The following DPY19L2 variants were observed in gnomAD, a reference collection of about 807,000 sequenced individuals.
The protein encoded by DPY19L2 is probable C-mannosyltransferase DPY19L2.
In DPY19L2, 34 loss-of-function variants were observed where a neutral mutation model predicts 97.9. That is an observed-to-expected ratio of 0.35 (90% CI 0.26 to 0.46). DPY19L2 has a LOEUF of 0.46. Ranked by LOEUF, DPY19L2 falls within the 20% of genes least tolerant of loss-of-function variation. The pLI is 1.00. For missense variants in DPY19L2, 623 were observed against 911.4 expected (o/e 0.68, Z 4.07); for synonymous variants, 230 against 307.9 (o/e 0.75, Z 2.65).
intron 6 of DPY19L2, among the ~76,000 whole-genome samples, chr12:63,637,773 A>G (rs376335949): frequency 2.4e-3 from 360 of 152,318 alleles, no homozygotes; most frequent in Non-Finnish European, 3.5e-3. Flanking sequence ...CAATCCTACC[A>G]GAGGTACAAA....
At chr12:63,580,911 T>C in intron 18 of DPY19L2, 75 bp from the exon 19 acceptor site, 4 of 1,475,712 alleles carry the variant, frequency 2.7e-6, no homozygotes, top group Non-Finnish European at 3.7e-6. Context: ...ATTCTCACCT[T>C]GTTACTCAAA....
chr12:63,596,482 A>G (rs1884270653), intron 14 of DPY19L2, among the ~76,000 whole-genome samples: 1 of 152,190 alleles, frequency 6.6e-6, no homozygotes, highest in Non-Finnish European at 1.5e-5. Context: ...CAGAAATAAC[A>G]TTGGCTAACT....
At chr12:63,576,555 C>A (rs530070052) in intron 19 of DPY19L2, among the ~76,000 whole-genome samples, 25 of 148,422 alleles carry the variant, frequency 1.7e-4, no homozygotes, top group African/African-American at 5.1e-4. Context: ...CTAAAGTCTC[C>A]ACCAAAAAAA....
At chr12:63,603,891 A>G (rs554011174) in intron 12 of DPY19L2, among the ~76,000 whole-genome samples, 1 of 152,322 alleles carries the variant, frequency 6.6e-6, no homozygotes, top group African/African-American at 2.4e-5. Flanking sequence ...CTATATTACA[A>G]GGCTGCAATA....
At chr12:63,564,132 A>G (rs778312328) in intron 21 of DPY19L2, among the ~76,000 whole-genome samples, 1 of 152,048 alleles carries the variant, frequency 6.6e-6, no homozygotes, top group Admixed American at 6.6e-5. Flanking sequence ...TCTGTCTTCA[A>G]TCTTTTAGTT....
chr12:63,651,338 C>T (rs1269950675), intron 4 of DPY19L2, among the ~76,000 whole-genome samples: 1 of 151,944 alleles, frequency 6.6e-6, no homozygotes, highest in African/African-American at 2.4e-5. Context: ...GGACATAGAC[C>T]CTGGCAAAAA....
chr12:63,644,731 C>T (rs569860860), intron 5 of DPY19L2, among the ~76,000 whole-genome samples: 8 of 151,890 alleles, frequency 5.3e-5, no homozygotes, highest in South Asian at 2.1e-4. Context: ...TACACATACA[C>T]GTATGTAAGC....
At chr12:63,643,226 G>A (rs1892947665) in intron 6 of DPY19L2, among the ~76,000 whole-genome samples, 1 of 151,372 alleles carries the variant, frequency 6.6e-6, no homozygotes, top group Non-Finnish European at 1.5e-5. Context: ...TTTTTTTCAA[G>A]TTTTCCAATC....
At chr12:63,630,360 G>A (rs1382350490) in intron 6 of DPY19L2, among the ~76,000 whole-genome samples, 1 of 151,870 alleles carries the variant, frequency 6.6e-6, no homozygotes, top group Admixed American at 6.6e-5. Context: ...CAAAATAAAG[G>A]GACAGAGGAA....
At chr12:63,602,481 G>A (rs904271344) in intron 12 of DPY19L2, among the ~76,000 whole-genome samples, 1 of 152,094 alleles carries the variant, frequency 6.6e-6, no homozygotes, top group African/African-American at 2.4e-5. Context: ...ATCAAAACTA[G>A]TGTTTAAATT....
At chr12:63,572,647 C>T (rs1879095951) in intron 19 of DPY19L2, among the ~76,000 whole-genome samples, 1 of 152,116 alleles carries the variant, frequency 6.6e-6, no homozygotes, top group South Asian at 2.1e-4. Context: ...AGCTTCAGGT[C>T]TGACCCAACA....
intron 8 of DPY19L2, among the ~76,000 whole-genome samples, chr12:63,622,106 A>G (rs1888789085): frequency 1.3e-5 from 2 of 152,178 alleles, no homozygotes; most frequent in Non-Finnish European, 2.9e-5. Context: ...ATCATAAAAT[A>G]CTCATTATGT....
At chr12:63,561,518 T>C (rs61935034) in intron 21 of DPY19L2, among the ~76,000 whole-genome samples, 14,004 of 152,068 alleles carry the variant, frequency 0.092, 737 homozygotes, top group Middle Eastern at 0.15. Flanking sequence ...ATATATTATG[T>C]AGTCTTTTCA....
At chr12:63,592,049 GGAAGGGA>G (rs1883152747) in intron 16 of DPY19L2, among the ~76,000 whole-genome samples, 1 of 51,790 alleles carries the variant, frequency 1.9e-5, no homozygotes, top group African/African-American at 8.8e-5. Flanking sequence ...GGGAGGGAAC[GGAAGGGA>G]AGGGAAGGCA....
chr12:63,619,516 CTT>C (rs1326220033), intron 9 of DPY19L2, among the ~76,000 whole-genome samples: 1 of 145,270 alleles, frequency 6.9e-6, no homozygotes. Flanking sequence ...TATCAAACTT[CTT>C]TTTTTTTTTT....
At chr12:63,601,472 A>G (rs535780240) in intron 12 of DPY19L2, among the ~76,000 whole-genome samples, 1 of 152,300 alleles carries the variant, frequency 6.6e-6, no homozygotes, top group South Asian at 2.1e-4. Flanking sequence ...GAGCAATACA[A>G]CCACATACAT....
At chr12:63,611,842 G>A (rs1447147477) in intron 11 of DPY19L2, among the ~76,000 whole-genome samples, 2 of 151,916 alleles carry the variant, frequency 1.3e-5, no homozygotes, top group Non-Finnish European at 2.9e-5. Context: ...AAGTGGGGAG[G>A]CAGAAAAATA....
At chr12:63,607,529 G>A (rs1391577832) in intron 12 of DPY19L2, among the ~76,000 whole-genome samples, 3 of 152,170 alleles carry the variant, frequency 2.0e-5, no homozygotes, top group Non-Finnish European at 4.4e-5. Context: ...TAAAGGATGG[G>A]AGAATGCCTC....
chr12:63,570,433 A>G (rs1222127323), intron 20 of DPY19L2, among the ~76,000 whole-genome samples: 546 of 136,620 alleles, frequency 4.0e-3, no homozygotes, highest in South Asian at 8.3e-3. Flanking sequence ...AGTAAAATCC[A>G]TCCTACCTAC....
Sources: gnomAD v4.1 joint callset for allele counts (sites outside exome capture counted in the v4.1 genomes callset) on GRCh38, gnomAD v4.1.1 for gene constraint, MANE v1.5 for transcripts, NCBI Gene and HGNC (gene_info 2026-07-23, HGNC 2026-07-21) for gene names.